The following UNC80 variants were observed in gnomAD, a reference collection of about 807,000 sequenced individuals.
UNC80 encodes the protein unc-80 subunit of NALCN channel complex, also known as protein unc-80 homolog.
Under a neutral mutation model 384.6 loss-of-function variants are expected in UNC80, and 164 were observed. The ratio of observed to expected loss-of-function variants is 0.43; its 90% CI spans 0.38 to 0.49. The LOEUF (loss-of-function observed/expected upper bound fraction) is 0.49, where lower values mean the gene tolerates loss of function less well. Among genes scored for constraint, UNC80 ranks in the 20% least tolerant of loss-of-function variants. The pLI, the probability that UNC80 is intolerant of heterozygous loss-of-function variation, is 0.00. For missense variants in UNC80, 3,330 were observed against 4,143.0 expected (o/e 0.80, Z 5.39); for synonymous variants, 1,486 against 1,527.8 (o/e 0.97, Z 0.64).
In UNC80 at chr2:209,992,267, G is replaced by A. The variant is rs763389046; in HGVS notation, c.9396+20G>A. Reference sequence around the variant, plus strand: ...AGGCAGGTAAGTAGACCCTTAAAGCGCAAGAGAACCATCCTACGAATTGGA... The same window carrying A: ...AGGCAGGTAAGTAGACCCTTAAAGCACAAGAGAACCATCCTACGAATTGGA... On this transcript the variant is annotated intron_variant, in intron 62 of 64. Transcript: ENST00000673920. 11 of 1,546,234 alleles carry A rather than the reference G, an allele frequency of 7.1e-6. No homozygotes were observed. In the Admixed American group the frequency reaches 7.9e-5, roughly 11 times the overall value.
chr2:209,888,225 C>A lies in UNC80; in HGVS notation c.4241C>A (p.Thr1414Asn). 1 of 1,551,590 alleles carries A rather than the reference C, an allele frequency of 6.4e-7. No individual in the cohort carries two copies. Among genetic ancestry groups the A allele is most frequent in the East Asian group, 2.4e-5 (1 of 40,922 alleles). Reference sequence around the variant, plus strand: ...GATTCTCTCCACAGCAGCAGCCACACTCTCAAATCAGATGCAGGAGTCGAG... The same window carrying A: ...GATTCTCTCCACAGCAGCAGCCACAATCTCAAATCAGATGCAGGAGTCGAG... Reference protein sequence around the residue: ...SKDSLHSSSHTLKSDAGVEEK... With the variant: ...SKDSLHSSSHNLKSDAGVEEK... The change falls in exon 26 of 65, where the codon ACT (threonine) becomes AAT (asparagine). Residue 1414 changes from threonine (T) to asparagine (N), a missense_variant. Coordinates refer to ENST00000673920, the MANE Select transcript of UNC80 (RefSeq NM_001371986.1).
In UNC80 at chr2:209,955,726, TATATATATATATACAC is replaced by T. The variant is rs1260433793; in HGVS notation, c.7457+1458_7457+1473del. 4.0e-4 allele frequency among the ~76,000 whole-genome samples: 32 copies of T among 80,658 alleles called. 1 individual carries two copies. The highest frequency in any genetic ancestry group is 7.1e-4 in the Admixed American group (6 of 8,434). 52.9% of individuals were successfully genotyped at this position (80,658 alleles called of 152,430 possible). A position where few individuals can be genotyped will look rare whatever the true frequency, so the allele number is the denominator to read the frequency against. ...ATATATATATATATATATATATATA[TATATATATATATACAC>T]ACACACACACACACACAGAGAGAGA... On this transcript the variant is annotated intron_variant, in intron 48 of 64. Transcript: ENST00000673920.
At chr2:209,822,789 A>G (rs985659330) in intron 13 of UNC80, among the ~76,000 whole-genome samples, 1 of 152,128 alleles carries the variant, frequency 6.6e-6, no homozygotes, top group Non-Finnish European at 1.5e-5. Context: ...GCACCTAGGT[A>G]TTATCTAGAC....
In UNC80 at chr2:209,970,085, C is replaced by T. The variant is rs1277102185; in HGVS notation, c.8130+194C>T. On this transcript the variant is annotated intron_variant, in intron 53 of 64. Coordinates refer to ENST00000673920, the MANE Select transcript of UNC80 (RefSeq NM_001371986.1). Reference sequence around the variant, plus strand: ...GGGGAGATCCAGGAACCCATCCCTACACAGAAGGGATTTTGGTGTGCTGCT... The same window carrying T: ...GGGGAGATCCAGGAACCCATCCCTATACAGAAGGGATTTTGGTGTGCTGCT... 9.2e-6 allele frequency: 6 copies of T among 651,968 alleles called. No homozygotes were observed. In the African/African-American group the frequency reaches 9.2e-5, roughly 10 times the overall value. The allele number at this position is 651,968 out of a possible 1,614,324, so 40.4% of individuals were successfully genotyped here.
chr2:209,910,641 A>G (rs1348413076), intron 29 of UNC80, among the ~76,000 whole-genome samples: 3 of 146,334 alleles, frequency 2.1e-5, no homozygotes, highest in Non-Finnish European at 3.0e-5. Flanking sequence ...ACAAATATAA[A>G]TGCTCATCTT....
chr2:209,830,097 C>A (rs926036406), intron 15 of UNC80, among the ~76,000 whole-genome samples: 1 of 152,186 alleles, frequency 6.6e-6, no homozygotes, highest in African/African-American at 2.4e-5. Flanking sequence ...ATAAAATACA[C>A]ATTTTAATTA....
chr2:209,881,616 T>C (rs2085296586), intron 25 of UNC80, among the ~76,000 whole-genome samples: 1 of 151,098 alleles, frequency 6.6e-6, no homozygotes, highest in Non-Finnish European at 1.5e-5. Context: ...AGACCATGCA[T>C]GTGTGCATGC....
chr2:209,899,394 T>A (rs1375082089), intron 28 of UNC80, among the ~76,000 whole-genome samples: 5 of 152,016 alleles, frequency 3.3e-5, no homozygotes, highest in African/African-American at 9.7e-5. Flanking sequence ...GTAGGAGAGG[T>A]TGTCATGTAT....
chr2:209,872,019 T>C lies in UNC80; in HGVS notation c.3628-739T>C, dbSNP rs1259940763. ...GCAAGATTGAGCTTCCTTTTCTTTT[T>C]TGAGGTGGAGTCTCACTCTGTCTCC... On this transcript the variant is annotated intron_variant, in intron 22 of 64. Transcript: ENST00000673920. The surrounding 1 kb of genome is among the most constrained non-coding windows in gnomAD (Gnocchi z 4.1). Among the ~76,000 whole-genome samples, 2 of 152,138 alleles carry C rather than the reference T, an allele frequency of 1.3e-5. No homozygotes were observed. Among genetic ancestry groups the C allele is most frequent in the African/African-American group, 2.4e-5 (1 of 41,430 alleles).
chr2:209,909,401 C>G (rs1178389057), intron 29 of UNC80, among the ~76,000 whole-genome samples: 3 of 152,140 alleles, frequency 2.0e-5, no homozygotes, highest in African/African-American at 7.2e-5. Context: ...AAATGAGAAC[C>G]AAAGCTGCTG....
intron 47 of UNC80, among the ~76,000 whole-genome samples, chr2:209,952,793 T>C (rs993840302): frequency 5.3e-5 from 8 of 152,202 alleles, no homozygotes; most frequent in Non-Finnish European, 1.0e-4. Context: ...GTACTTTTTA[T>C]TGTTACAGAA....
Position 209,957,716 on chromosome 2 carries a change from G to A in UNC80, c.7530G>A (p.Met2510Ile), listed in dbSNP as rs2092462989. The A allele has an allele frequency of 6.4e-7, 1 of 1,551,520 alleles. No homozygotes were observed. Among genetic ancestry groups the A allele is most frequent in the Non-Finnish European group, 8.7e-7 (1 of 1,146,852 alleles). ...GAACCACCACAGCCAATCACACCAT[G>A]TCGTCTGGGGTGAACACCAGGTAAT... ...HKGTTTANHT[M>I]SSGVNTRYQE... Residue 2510 changes from methionine to isoleucine, a missense_variant, in exon 49 of 65, where the codon ATG becomes ATA. By Grantham distance (10) the Met-to-Ile change is conservative. Coordinates refer to ENST00000673920, the MANE Select transcript of UNC80 (RefSeq NM_001371986.1).
chr2:209,813,418 G>A (rs2079507939), intron 7 of UNC80, among the ~76,000 whole-genome samples, 162 bp from the exon 8 acceptor site: 1 of 152,166 alleles, frequency 6.6e-6, no homozygotes, highest in African/African-American at 2.4e-5. Flanking sequence ...TAGTGAAAGT[G>A]GAATGAGAGA....
intron 22 of UNC80, among the ~76,000 whole-genome samples, chr2:209,868,891 G>C (rs997528977): frequency 6.6e-6 from 1 of 152,128 alleles, no homozygotes; most frequent in Non-Finnish European, 1.5e-5. Flanking sequence ...TGGAAACTAC[G>C]AAGTTATAAT....
chr2:209,806,007 G>A (rs1046659856), intron 7 of UNC80, among the ~76,000 whole-genome samples: 1 of 152,104 alleles, frequency 6.6e-6, no homozygotes, highest in Admixed American at 6.5e-5. Flanking sequence ...CAATTGTTGA[G>A]CATTCCTTGT....
In UNC80 at chr2:209,973,199, C is replaced by A. The variant is rs1559420240; in HGVS notation, c.8516C>A (p.Thr2839Asn). ...GAGAGCTCCCCAGCCCACTGCTCCACCCCTGGGGATGCGGGGAAAGACTTG... is the reference window on the plus strand; with the variant it reads ...GAGAGCTCCCCAGCCCACTGCTCCAACCCTGGGGATGCGGGGAAAGACTTG... Reference protein sequence around the residue: ...MLESSPAHCSTPGDAGKDLRR... With the variant: ...MLESSPAHCSNPGDAGKDLRR... The change falls in exon 56 of 65, where the codon ACC (threonine) becomes AAC (asparagine). Residue 2839 changes from threonine (T) to asparagine (N), a missense_variant. By Grantham distance (65) the Thr-to-Asn change is moderately conservative. Coordinates refer to ENST00000673920, the MANE Select transcript of UNC80 (RefSeq NM_001371986.1). The A allele has an allele frequency of 1.9e-6, 3 of 1,551,698 alleles. No homozygotes were observed. The highest frequency in any genetic ancestry group is 2.6e-6 in the Non-Finnish European group (3 of 1,147,006).
At chr2:209,861,663 C>A (rs1427717263) in intron 22 of UNC80, among the ~76,000 whole-genome samples, 2 of 152,132 alleles carry the variant, frequency 1.3e-5, no homozygotes, top group African/African-American at 4.8e-5. Flanking sequence ...CCAACTGGTC[C>A]TGGGCTTTTT....
At chr2:209,828,074 C>A (rs2080672637) in intron 14 of UNC80, among the ~76,000 whole-genome samples, 1 of 152,130 alleles carries the variant, frequency 6.6e-6, no homozygotes, top group Non-Finnish European at 1.5e-5. Flanking sequence ...TTTTAATATC[C>A]TCTAAAGAGA....
intron 31 of UNC80, among the ~76,000 whole-genome samples, chr2:209,916,936 C>G (rs2089591902): frequency 6.6e-6 from 1 of 152,172 alleles, no homozygotes; most frequent in Admixed American, 6.5e-5. Flanking sequence ...TTAGTATTAT[C>G]ATTATTGTTC....
Sources: allele counts gnomAD v4.1 joint callset (sites outside exome capture counted in the v4.1 genomes callset), GRCh38; gene constraint gnomAD v4.1.1; non-coding constraint Gnocchi (gnomAD v3.1); transcripts MANE v1.5; gene names NCBI Gene and HGNC (gene_info 2026-07-23, HGNC 2026-07-21).